The following SEM1 variants were observed in gnomAD, a reference collection of about 807,000 sequenced individuals.
The protein encoded by SEM1 is 26S proteasome complex subunit SEM1.
SEM1 carries 3 observed loss-of-function variants against 12.7 expected under a neutral mutation model. That is an observed-to-expected ratio of 0.24 (90% CI 0.11 to 0.61). The LOEUF (loss-of-function observed/expected upper bound fraction) is 0.61, where lower values mean the gene tolerates loss of function less well. Among genes scored for constraint, SEM1 ranks in the 20% least tolerant of loss-of-function variants. SEM1 has a pLI of 0.88. For synonymous variants in SEM1, 30 were observed against 27.8 expected (o/e 1.08, Z -0.25); for missense variants, 59 against 81.3 (o/e 0.73, Z 1.06).
chr7:96,549,596 T>C (rs760162812), intron 2 of SEM1, among the ~76,000 whole-genome samples: 1 of 152,172 alleles, frequency 6.6e-6, no homozygotes, highest in Non-Finnish European at 1.5e-5. Flanking sequence ...AATCTTAGTT[T>C]TGTACTCTAA....
intron 2 of SEM1, among the ~76,000 whole-genome samples, chr7:96,660,391 A>T (rs957009238): frequency 2.6e-5 from 4 of 152,302 alleles, no homozygotes; most frequent in African/African-American, 7.2e-5. Context: ...TTGATAGGTC[A>T]AAGAGATTTT....
intron 1 of SEM1, among the ~76,000 whole-genome samples, chr7:96,494,238 AC>A (rs1335275000): frequency 1.3e-5 from 2 of 152,190 alleles, no homozygotes; most frequent in Non-Finnish European, 1.5e-5. Flanking sequence ...GCAAAATGCT[AC>A]CCAGGTGAGT....
intron 1 of SEM1, among the ~76,000 whole-genome samples, chr7:96,697,742 A>T (rs528129235): frequency 5.3e-5 from 8 of 152,178 alleles, no homozygotes; most frequent in Non-Finnish European, 8.8e-5. Flanking sequence ...TGTGTGTAAA[A>T]GAGAAGAGCA....
At chr7:96,604,501 A>C (rs897327324) in intron 2 of SEM1, among the ~76,000 whole-genome samples, 1 of 152,126 alleles carries the variant, frequency 6.6e-6, no homozygotes, top group East Asian at 1.9e-4. Context: ...CTTCATGTAA[A>C]GAGTTTTACA....
intron 2 of SEM1, among the ~76,000 whole-genome samples, chr7:96,612,244 T>C (rs889553222): frequency 6.6e-6 from 1 of 152,212 alleles, no homozygotes; most frequent in African/African-American, 2.4e-5. Flanking sequence ...GTGACTGTTA[T>C]CCTAATTCTG....
At chr7:96,485,022 C>T (rs1045545620) in intron 2 of SEM1, among the ~76,000 whole-genome samples, 2 of 152,186 alleles carry the variant, frequency 1.3e-5, no homozygotes, top group African/African-American at 4.8e-5. Context: ...GACATGGGTG[C>T]TGCCAAAGTG....
At chr7:96,594,014 G>T (rs1455681802) in intron 2 of SEM1, among the ~76,000 whole-genome samples, 1 of 151,856 alleles carries the variant, frequency 6.6e-6, no homozygotes, top group East Asian at 1.9e-4. Context: ...CAAATCAATA[G>T]ATATAGTATT....
At chr7:96,567,981 T>C (rs557143694) in intron 2 of SEM1, among the ~76,000 whole-genome samples, 1 of 151,196 alleles carries the variant, frequency 6.6e-6, no homozygotes, top group Non-Finnish European at 1.5e-5. Flanking sequence ...TAGTATCCTG[T>C]CAAGTTTTGA....
intron 2 of SEM1, among the ~76,000 whole-genome samples, chr7:96,613,299 C>T (rs949762872): frequency 2.6e-5 from 4 of 152,090 alleles, no homozygotes; most frequent in African/African-American, 7.2e-5. Flanking sequence ...TAAATGTATC[C>T]GTTCATGGAT....
intron 2 of SEM1, among the ~76,000 whole-genome samples, chr7:96,555,114 A>G (rs371422427): frequency 3.3e-5 from 5 of 150,468 alleles, no homozygotes; most frequent in South Asian, 2.1e-4. Context: ...CTTGCTAGCG[A>G]TCTATCAATT....
chr7:96,516,970 T>C (rs778810062), intron 2 of SEM1, among the ~76,000 whole-genome samples: 1 of 152,140 alleles, frequency 6.6e-6, no homozygotes, highest in Non-Finnish European at 1.5e-5. Context: ...GAAGCCAATC[T>C]GAAAAGCCTA....
At chr7:96,666,295 G>A (rs1049782817) in intron 2 of SEM1, among the ~76,000 whole-genome samples, 4 of 152,158 alleles carry the variant, frequency 2.6e-5, no homozygotes, top group Admixed American at 6.5e-5. Flanking sequence ...CAGGAAGGAT[G>A]AGCATAAACC....
chr7:96,642,242 GAGA>G (rs1407323346), intron 2 of SEM1, among the ~76,000 whole-genome samples: 1 of 151,994 alleles, frequency 6.6e-6, no homozygotes, highest in African/African-American at 2.4e-5. Flanking sequence ...GTAGATTACA[GAGA>G]AGAAGGTTGA....
intron 2 of SEM1, among the ~76,000 whole-genome samples, chr7:96,557,175 C>T (rs1311797258): frequency 1.3e-5 from 2 of 151,372 alleles, no homozygotes; most frequent in African/African-American, 4.8e-5. Flanking sequence ...TCGTCTGAAG[C>T]CTTCTTCTCT....
intron 2 of SEM1, among the ~76,000 whole-genome samples, chr7:96,679,901 G>A (rs1789555185): frequency 6.6e-6 from 1 of 152,018 alleles, no homozygotes; most frequent in African/African-American, 2.4e-5. Flanking sequence ...TTGGTGCCCT[G>A]CCCTTATTTC....
intron 2 of SEM1, among the ~76,000 whole-genome samples, chr7:96,692,173 T>C (rs1037023917): frequency 2.0e-5 from 3 of 152,168 alleles, no homozygotes; most frequent in Non-Finnish European, 4.4e-5. Flanking sequence ...AAAGGCAACA[T>C]GTAATGATGT....
intron 2 of SEM1, among the ~76,000 whole-genome samples, chr7:96,654,821 C>A (rs1480256842): frequency 1.3e-5 from 2 of 152,166 alleles, no homozygotes; most frequent in African/African-American, 4.8e-5. Context: ...CAACTCAAGG[C>A]TCATGACTGG....
chr7:96,703,513 C>A (rs974307656), intron 1 of SEM1, among the ~76,000 whole-genome samples: 5 of 152,130 alleles, frequency 3.3e-5, no homozygotes, highest in Admixed American at 6.5e-5. Flanking sequence ...CAATTCTTCT[C>A]TAGGAGTTTA....
At chr7:96,504,696 C>T (rs888407166) in intron 3 of SEM1, among the ~76,000 whole-genome samples, 5 of 152,082 alleles carry the variant, frequency 3.3e-5, no homozygotes, top group Admixed American at 1.3e-4. Flanking sequence ...TTCCTCATAT[C>T]ATCATACAGT....
Sources: allele counts gnomAD v4.1 joint callset (sites outside exome capture counted in the v4.1 genomes callset), GRCh38; gene constraint gnomAD v4.1.1; transcripts MANE v1.5; gene names NCBI Gene and HGNC (gene_info 2026-07-23, HGNC 2026-07-21).